EIF2AK4: variants seen among roughly 807,000 people sequenced by gnomAD.
The protein encoded by EIF2AK4 is eIF-2-alpha kinase GCN2.
A neutral mutation model predicts 211.1 loss-of-function variants in EIF2AK4; 139 were observed. The ratio of observed to expected loss-of-function variants is 0.66; its 90% CI spans 0.57 to 0.76. The LOEUF (loss-of-function observed/expected upper bound fraction) is 0.76, where lower values mean the gene tolerates loss of function less well. EIF2AK4 is among the 30% of genes least tolerant of loss of function. EIF2AK4 has a pLI of 0.00. For missense variants in EIF2AK4, 1,664 were observed against 2,043.8 expected (o/e 0.81, Z 3.58); for synonymous variants, 710 against 751.3 (o/e 0.94, Z 0.90).
chr15:39,955,693 C>T lies in EIF2AK4; in HGVS notation c.668C>T (p.Ala223Val). ...AAGGACCCAGGAGGACACAGAACGG[C>T]TGCCATTCTACATGGAGGCTCTCCT... is the stretch of plus-strand genomic sequence containing the variant. ...SKKDPGGHRTAAILHGGSPDF... is the reference protein window; with the variant it reads ...SKKDPGGHRTVAILHGGSPDF... The change falls in exon 6 of 39, where the codon GCT becomes GTT. Residue 223 changes from alanine to valine, a missense_variant. By Grantham distance (64) the Ala-to-Val change is moderately conservative (BLOSUM62 0). This residue lies in a region of EIF2AK4 where 641 missense variants were observed against 729.6 expected (regional missense o/e 0.88). Transcript: ENST00000263791. 1.9e-6 allele frequency: 3 copies of T among 1,613,250 alleles called. No homozygotes were observed. The African/African-American group carries it at 4.0e-5, about 22-fold the overall frequency.
At chr15:40,032,039 T>A in intron 35 of EIF2AK4, 130 bp from the exon 36 acceptor site, 1 of 840,256 alleles carries the variant, frequency 1.2e-6, no homozygotes, top group South Asian at 1.5e-5. Context: ...GGCAAACCTT[T>A]AGACACCATT....
chr15:40,017,163 T>TCC lies in EIF2AK4; in HGVS notation c.3987_3988dup (p.Gln1330ProfsTer27). The TCC allele has an allele frequency of 6.2e-7, 1 of 1,614,050 alleles. No individual in the cohort carries two copies. Among genetic ancestry groups the TCC allele is most frequent in the Non-Finnish European group, 8.5e-7 (1 of 1,179,922 alleles). On this transcript the variant is annotated frameshift_variant, in exon 29 of 39. Transcript: ENST00000263791. LOFTEE classifies it high-confidence loss of function. Reference sequence around the variant, plus strand: ...GTGCAGCAGCACAATGGAATCATCTTCCAGTTTGTGGCTTTCATCAAACGA... The same window carrying TCC: ...GTGCAGCAGCACAATGGAATCATCTTCCCCAGTTTGTGGCTTTCATCAAACGA...
intron 13 of EIF2AK4, 80 bp from the exon 14 acceptor site, chr15:39,985,725 G>C: frequency 7.3e-7 from 1 of 1,370,736 alleles, no homozygotes; most frequent in Non-Finnish European, 1.0e-6. Context: ...TTGGGGGTGG[G>C]CACAAATACT....
intron 32 of EIF2AK4, among the ~76,000 whole-genome samples, chr15:40,023,385 T>C (rs550618383): frequency 1.3e-5 from 2 of 152,346 alleles, no homozygotes; most frequent in African/African-American, 4.8e-5. Context: ...AATGTTGGCC[T>C]GATGAAATGA....
chr15:39,990,153 G>T, intron 15 of EIF2AK4, 120 bp from the exon 16 acceptor site: 1 of 856,384 alleles, frequency 1.2e-6, no homozygotes, highest in East Asian at 2.4e-5. Context: ...CTGGACCAGG[G>T]TGGTCTGTGG....
Position 39,967,773 on chromosome 15 carries a change from CG to C in EIF2AK4, c.1448del (p.Arg483LeufsTer20), listed in dbSNP as rs769083983. ...YKTGKKGDVW[R>X]LGLLLLSLSQ... ...AACGGGGAAGAAAGGAGATGTTTGG[CG>C]TCTTGGCCTTCTGCTGCTGTCCCTC... On this transcript the variant is annotated frameshift_variant, in exon 9 of 39. Coordinates refer to ENST00000263791, the MANE Select transcript of EIF2AK4 (RefSeq NM_001013703.4). LOFTEE classifies it high-confidence loss of function. 4.3e-6 allele frequency: 7 copies of C among 1,614,164 alleles called. No individual in the cohort carries two copies. Among genetic ancestry groups the C allele is most frequent in the Non-Finnish European group, 5.9e-6 (7 of 1,180,034 alleles).
intron 9 of EIF2AK4, among the ~76,000 whole-genome samples, chr15:39,970,689 C>T (rs1415697678): frequency 6.6e-6 from 1 of 151,876 alleles, no homozygotes; most frequent in East Asian, 1.9e-4. Flanking sequence ...TGTATAAATG[C>T]ATAGAAAAAT....
At chr15:40,000,701 A>C (rs951604431) in intron 20 of EIF2AK4, among the ~76,000 whole-genome samples, 1 of 152,176 alleles carries the variant, frequency 6.6e-6, no homozygotes, top group Admixed American at 6.5e-5. Context: ...TATAAGGCCT[A>C]ATTTCTGCTT....
At chr15:40,004,518 G>A (rs144379964) in intron 23 of EIF2AK4, among the ~76,000 whole-genome samples, 4 of 152,186 alleles carry the variant, frequency 2.6e-5, no homozygotes, top group Non-Finnish European at 5.9e-5. Context: ...AGACCAGCCT[G>A]GGCAACATAG....
intron 30 of EIF2AK4, among the ~76,000 whole-genome samples, chr15:40,019,593 G>A (rs1158079643): frequency 6.6e-6 from 1 of 152,160 alleles, no homozygotes; most frequent in African/African-American, 2.4e-5. Flanking sequence ...GTTGTGGACT[G>A]CACATGGAAG....
chr15:40,004,542 T>C (rs1473327518), intron 23 of EIF2AK4, among the ~76,000 whole-genome samples: 5 of 151,824 alleles, frequency 3.3e-5, no homozygotes, highest in Non-Finnish European at 7.4e-5. Context: ...GACCCCATCT[T>C]TACAAAAAAT....
At chr15:39,961,116 G>GA (rs2034465826) in intron 6 of EIF2AK4, among the ~76,000 whole-genome samples, 1 of 152,020 alleles carries the variant, frequency 6.6e-6, no homozygotes, top group Non-Finnish European at 1.5e-5. Context: ...AAAAAAAGTA[G>GA]AAAAAAAGAA....
Position 40,034,337 on chromosome 15 carries a change from T to A in EIF2AK4, c.4785T>A (p.Asp1595Glu), listed in dbSNP as rs770773012. Residue 1595 changes from aspartate to glutamate, a missense_variant, in exon 38 of 39, where the codon GAT (aspartate) becomes GAA (glutamate). Physicochemically the swap from Asp to Glu is conservative, Grantham distance 45 (BLOSUM62 2). Coordinates refer to ENST00000263791, the MANE Select transcript of EIF2AK4 (RefSeq NM_001013703.4). ...TATTTTTTTCCTAGTGGGATGCTGA[T>A]GAACAGGCATTTAACACAACTGTGA... Reference protein sequence around the residue: ...LQFLSLEWDADEQAFNTTVKQ... With the variant: ...LQFLSLEWDAEEQAFNTTVKQ... 5.7e-5 allele frequency: 92 copies of A among 1,613,912 alleles called. No homozygotes were observed. The highest frequency in any genetic ancestry group is 4.9e-4 in the Middle Eastern group (3 of 6,084).
intron 33 of EIF2AK4, 60 bp from the exon 34 acceptor site, chr15:40,029,346 T>C (rs2140950833): frequency 6.2e-7 from 1 of 1,600,470 alleles, no homozygotes; most frequent in South Asian, 1.1e-5. Context: ...TCACTGTAAG[T>C]TATGTGTTGC....
intron 15 of EIF2AK4, among the ~76,000 whole-genome samples, chr15:39,989,280 A>G (rs138665253): frequency 3.5e-4 from 54 of 152,370 alleles, no homozygotes; most frequent in African/African-American, 1.1e-3. Context: ...GCATTAACCA[A>G]TATAAATTCA....
intron 1 of EIF2AK4, among the ~76,000 whole-genome samples, chr15:39,937,773 C>G (rs1261470367): frequency 6.6e-6 from 1 of 152,262 alleles, no homozygotes; most frequent in East Asian, 1.9e-4. Flanking sequence ...GCCACCTCCC[C>G]GTGTGCATCC....
Position 40,029,403 on chromosome 15 carries a change from T to G in EIF2AK4, c.4503-3T>G, listed in dbSNP as rs776888649. ...TTAATTGTTTTTGTTTGCTTGTTTT[T>G]AGAGAAGCTTCCGATAATCTTGCAG... is the stretch of plus-strand genomic sequence containing the variant. On this transcript the variant is annotated splice_polypyrimidine_tract_variant and splice_region_variant and intron_variant, in intron 33 of 38. Coordinates refer to ENST00000263791, the MANE Select transcript of EIF2AK4 (RefSeq NM_001013703.4). 25 of 1,612,656 alleles carry G rather than the reference T, an allele frequency of 1.6e-5. No individual in the cohort carries two copies. Among genetic ancestry groups the G allele is most frequent in the Non-Finnish European group, 2.1e-5 (25 of 1,179,832 alleles).
rs1322645752 is a variant in EIF2AK4 at position 40,020,897 on chromosome 15, A to C, written c.4174-2A>C. On this transcript the variant is annotated splice_acceptor_variant, in intron 30 of 38. Coordinates refer to ENST00000263791, the MANE Select transcript of EIF2AK4 (RefSeq NM_001013703.4). LOFTEE classifies it high-confidence loss of function. ...ACTGTAACCGGTCTGTTTCTGATCC[A>C]GGTTACAATAAGCTCTTGTGACCTC... 1 of 1,607,078 alleles carries C rather than the reference A, an allele frequency of 6.2e-7. No individual in the cohort carries two copies. The highest frequency in any genetic ancestry group is 8.5e-7 in the Non-Finnish European group (1 of 1,176,672).
chr15:40,032,561 G>A (rs1198526803), intron 36 of EIF2AK4, among the ~76,000 whole-genome samples, 196 bp from the exon 37 acceptor site: 2 of 152,178 alleles, frequency 1.3e-5, no homozygotes, highest in African/African-American at 4.8e-5. Flanking sequence ...AGAGGGACAG[G>A]GAGTACAGTT....
Sources: allele counts gnomAD v4.1 joint callset (sites outside exome capture counted in the v4.1 genomes callset), GRCh38; gene constraint gnomAD v4.1.1; regional missense constraint gnomAD v4.1.1; transcripts MANE v1.5; gene names NCBI Gene and HGNC (gene_info 2026-07-23, HGNC 2026-07-21).